MAGI1: variants seen among roughly 807,000 people sequenced by gnomAD.
MAGI1 encodes the protein membrane-associated guanylate kinase, WW and PDZ domain-containing protein 1.
Under a neutral mutation model 139.9 loss-of-function variants are expected in MAGI1, and 58 were observed. That is an observed-to-expected ratio of 0.41 (90% CI 0.34 to 0.52). MAGI1 has a LOEUF of 0.52. Among genes scored for constraint, MAGI1 ranks in the 20% least tolerant of loss-of-function variants. The pLI is 0.12. For missense variants in MAGI1, 1,874 were observed against 1,901.6 expected, an observed-to-expected ratio of 0.99 and a Z score of 0.27; for synonymous variants, 812 against 737.9, an observed-to-expected ratio of 1.10 and a Z score of -1.63.
At chr3:65,366,359 A>G (rs749056456) in intron 18 of MAGI1, among the ~76,000 whole-genome samples, 1 of 152,196 alleles carries the variant, frequency 6.6e-6, no homozygotes, top group Non-Finnish European at 1.5e-5. Context: ...AAGGCACAAG[A>G]GTAAGAAGAA....
intron 1 of MAGI1, among the ~76,000 whole-genome samples, chr3:65,786,894 T>C (rs966991177): frequency 6.6e-6 from 1 of 152,070 alleles, no homozygotes; most frequent in Non-Finnish European, 1.5e-5. Context: ...GGATTACAGG[T>C]GTGAGCCACC....
At chr3:65,750,317 C>T (rs2036041719) in intron 1 of MAGI1, among the ~76,000 whole-genome samples, 1 of 152,142 alleles carries the variant, frequency 6.6e-6, no homozygotes, top group East Asian at 1.9e-4. Flanking sequence ...AAAAAGGGAA[C>T]AAGTACCAGG....
intron 3 of MAGI1, among the ~76,000 whole-genome samples, chr3:65,482,970 T>G (rs1191742178): frequency 2.6e-5 from 4 of 152,204 alleles, no homozygotes; most frequent in Non-Finnish European, 4.4e-5. Flanking sequence ...TCCTCTTGGT[T>G]TTGCCTGACC....
chr3:65,566,169 G>T (rs141840986), intron 2 of MAGI1, among the ~76,000 whole-genome samples: 2 of 151,966 alleles, frequency 1.3e-5, no homozygotes, highest in South Asian at 2.1e-4. Context: ...CAGAAGAATC[G>T]CTTGAACCCA....
intron 1 of MAGI1, among the ~76,000 whole-genome samples, chr3:65,776,303 C>T (rs531427938): frequency 2.1e-5 from 3 of 142,998 alleles, no homozygotes; most frequent in Non-Finnish European, 4.5e-5. Flanking sequence ...TTAAATCCTA[C>T]TCTCAATTGT....
chr3:66,016,532 GC>G (rs1372044970), intron 1 of MAGI1, among the ~76,000 whole-genome samples: 1 of 152,310 alleles, frequency 6.6e-6, no homozygotes, highest in African/African-American at 2.4e-5. Context: ...AGGACACGTT[GC>G]TGGCAAGGCT....
intron 2 of MAGI1, among the ~76,000 whole-genome samples, chr3:65,560,063 C>G (rs1421962965): frequency 6.6e-6 from 1 of 152,108 alleles, no homozygotes; most frequent in East Asian, 1.9e-4. Flanking sequence ...AAACACACAT[C>G]TGACTTCAAA....
At chr3:65,930,525 T>G (rs1356780701) in intron 1 of MAGI1, among the ~76,000 whole-genome samples, 1 of 151,782 alleles carries the variant, frequency 6.6e-6, no homozygotes, top group African/African-American at 2.4e-5. Context: ...TTGTCAGAGG[T>G]GTTTGAACCA....
At position 65,738,969 on chromosome 3, in the gene MAGI1, G is replaced by T. The variant is rs186151314; in HGVS notation, c.314-116881C>A. Among the ~76,000 whole-genome samples, 20 of 152,268 alleles carry T rather than the reference G, an allele frequency of 1.3e-4. No individual in the cohort carries two copies. In the East Asian group the frequency reaches 1.4e-3, roughly 10 times the overall value. The stretch of plus-strand genomic sequence containing the variant: ...GCTTCAACTTCAAGTCACCAGCTAC[G>T]TTACCACCTAACAAGAGACTGAGTC... On this transcript the variant is annotated intron_variant, in intron 1 of 22. Transcript: ENST00000402939.
At chr3:65,391,730 T>C (rs1943935071) in intron 13 of MAGI1, among the ~76,000 whole-genome samples, 1 of 152,182 alleles carries the variant, frequency 6.6e-6, no homozygotes, top group Non-Finnish European at 1.5e-5. Flanking sequence ...CCATGAGTGG[T>C]TTAGGATAAG....
At chr3:65,750,233 G>C (rs1265503141) in intron 1 of MAGI1, among the ~76,000 whole-genome samples, 1 of 152,162 alleles carries the variant, frequency 6.6e-6, no homozygotes, top group Non-Finnish European at 1.5e-5. Context: ...TGCTGATGGA[G>C]GGCAGGAACA....
At chr3:65,533,183 C>T (rs1178712033) in intron 2 of MAGI1, among the ~76,000 whole-genome samples, 1 of 152,130 alleles carries the variant, frequency 6.6e-6, no homozygotes, top group Non-Finnish European at 1.5e-5. Flanking sequence ...CTTCCAAATC[C>T]TGGGTGGTTT....
At chr3:65,572,474 C>G (rs1245572886) in intron 2 of MAGI1, among the ~76,000 whole-genome samples, 2 of 152,110 alleles carry the variant, frequency 1.3e-5, no homozygotes, top group African/African-American at 4.8e-5. Context: ...TGGGGAGTTA[C>G]TACTGTCCAC....
chr3:66,018,311 C>A (rs2067777467), intron 1 of MAGI1, among the ~76,000 whole-genome samples: 1 of 152,134 alleles, frequency 6.6e-6, no homozygotes, highest in African/African-American at 2.4e-5. Flanking sequence ...AGACTGACTG[C>A]CTGGTTAACA....
chr3:65,848,913 G>T (rs1021825329), intron 1 of MAGI1, among the ~76,000 whole-genome samples: 9 of 146,464 alleles, frequency 6.1e-5, no homozygotes, highest in African/African-American at 1.7e-4. Context: ...CCATGTGATT[G>T]GTTCTAGCCA....
intron 1 of MAGI1, among the ~76,000 whole-genome samples, chr3:65,785,960 G>A (rs1280114420): frequency 1.3e-5 from 2 of 149,256 alleles, no homozygotes; most frequent in African/African-American, 2.5e-5. Context: ...TTCTTGAAAC[G>A]GAGTCTCGCT....
intron 1 of MAGI1, among the ~76,000 whole-genome samples, chr3:65,986,654 T>A (rs535819699): frequency 2.6e-5 from 4 of 152,306 alleles, no homozygotes; most frequent in African/African-American, 9.6e-5. Flanking sequence ...TGTTTTCTCC[T>A]GTGGGTTGTT....
rs148273566 is a variant in MAGI1 at position 65,541,394 on chromosome 3, A to G, written c.431-47763T>C. On this transcript the variant is annotated intron_variant, in intron 2 of 22. Coordinates refer to ENST00000402939, the MANE Select transcript of MAGI1 (RefSeq NM_001033057.2). ...TGAAACGATTCCACACAATAGAAAA[A>G]GAGGGACTCCTCCCTAACTCATTTT... is the stretch of plus-strand genomic sequence containing the variant. Among the ~76,000 whole-genome samples the G allele has an allele frequency of 4.1e-3, 631 of 152,322 alleles. 7 individuals carry two copies. The highest frequency in any genetic ancestry group is 0.014 in the South Asian group (68 of 4,828).
At chr3:65,634,010 C>A (rs753312984) in intron 1 of MAGI1, among the ~76,000 whole-genome samples, 1 of 152,166 alleles carries the variant, frequency 6.6e-6, no homozygotes, top group Non-Finnish European at 1.5e-5. Flanking sequence ...ACAGTGAACA[C>A]TGATTAAGTA....
Sources: gnomAD v4.1 joint callset for allele counts (sites outside exome capture counted in the v4.1 genomes callset) on GRCh38, gnomAD v4.1.1 for gene constraint, MANE v1.5 for transcripts, NCBI Gene and HGNC (gene_info 2026-07-23, HGNC 2026-07-21) for gene names.